The following PCDHA12 variants were observed in gnomAD, a reference collection of about 807,000 sequenced individuals.
PCDHA12 encodes protocadherin alpha-12.
PCDHA12 carries 44 observed loss-of-function variants against 60.0 expected under a neutral mutation model. That is an observed-to-expected ratio of 0.73 (90% CI 0.58 to 0.94). PCDHA12 has a LOEUF of 0.94. Ranked by LOEUF, PCDHA12 falls within the 40% of genes least tolerant of loss-of-function variation. PCDHA12 has a pLI of 0.00. For missense variants in PCDHA12, 1,276 were observed against 1,239.7 expected (o/e 1.03, Z -0.44); for synonymous variants, 569 against 553.0 (o/e 1.03, Z -0.40).
chr5:140,931,683 A>G (rs1482331530), intron 1 of PCDHA12, among the ~76,000 whole-genome samples: 2 of 151,950 alleles, frequency 1.3e-5, no homozygotes, highest in African/African-American at 4.8e-5. Flanking sequence ...AAATAAATGA[A>G]TTGTGATTCA....
chr5:140,921,716 A>C (rs1554200396), intron 1 of PCDHA12, among the ~76,000 whole-genome samples: 1 of 152,202 alleles, frequency 6.6e-6, no homozygotes, highest in Non-Finnish European at 1.5e-5. Context: ...TAAACACACG[A>C]ATTACTCCCA....
intron 1 of PCDHA12, chr5:140,883,833 C>G: frequency 6.2e-7 from 1 of 1,612,590 alleles, no homozygotes; most frequent in Non-Finnish European, 8.5e-7. Flanking sequence ...GCGCTGCAGC[C>G]GTTGGACCAC....
At chr5:140,928,800 A>G (rs782641676) in intron 1 of PCDHA12, 6 of 1,614,098 alleles carry the variant, frequency 3.7e-6, no homozygotes, top group Non-Finnish European at 4.2e-6. Flanking sequence ...GGGTGGTGGT[A>G]GTGGTTCGGG....
intron 1 of PCDHA12, chr5:140,967,804 A>G (rs1168632160): frequency 6.2e-7 from 1 of 1,614,090 alleles, no homozygotes; most frequent in Admixed American, 1.7e-5. Flanking sequence ...TGCCCATGGC[A>G]GGTCACTGCA....
chr5:140,969,019 G>A (rs782394566), intron 1 of PCDHA12: 61 of 1,614,046 alleles, frequency 3.8e-5, no homozygotes, highest in Non-Finnish European at 4.7e-5. Flanking sequence ...TAAGGGAAAG[G>A]TCCCCTGCAG....
chr5:140,882,485 G>C, intron 1 of PCDHA12: 3 of 1,614,106 alleles, frequency 1.9e-6, no homozygotes, highest in Non-Finnish European at 2.5e-6. Flanking sequence ...AAGACACGGG[G>C]ACCTTCTGGA....
Position 140,938,882 on chromosome 5 carries a change from C to T in PCDHA12, c.2368-40067C>T, listed in dbSNP as rs529115064. On this transcript the variant is annotated intron_variant, in intron 1 of 3. Transcript: ENST00000398631. ...AACTTAAAAGTTAAGAAGCAACACA[C>T]ACACACACAGATGCGCACACACACA... is the stretch of plus-strand genomic sequence containing the variant. Among the ~76,000 whole-genome samples the T allele has an allele frequency of 3.3e-5, 5 of 152,218 alleles. No individual in the cohort carries two copies. The South Asian group carries it at 1.0e-3, about 32-fold the overall frequency.
chr5:140,890,439 A>G (rs114755692), intron 1 of PCDHA12, among the ~76,000 whole-genome samples: 1 of 152,210 alleles, frequency 6.6e-6, no homozygotes, highest in Non-Finnish European at 1.5e-5. Context: ...TACAATACCT[A>G]GTGATATCTT....
chr5:140,947,249 C>T (rs1178030042), intron 1 of PCDHA12, among the ~76,000 whole-genome samples: 3 of 151,204 alleles, frequency 2.0e-5, no homozygotes, highest in African/African-American at 7.3e-5. Flanking sequence ...TAAGATAATC[C>T]AATGTACCAT....
At chr5:140,960,923 G>A (rs1478943565) in intron 1 of PCDHA12, among the ~76,000 whole-genome samples, 1 of 152,168 alleles carries the variant, frequency 6.6e-6, no homozygotes, top group African/African-American at 2.4e-5. Context: ...TAGAAAATTG[G>A]TACTAAGTTT....
At chr5:140,988,600 T>C (rs962869761) in intron 3 of PCDHA12, among the ~76,000 whole-genome samples, 15 of 152,214 alleles carry the variant, frequency 9.9e-5, no homozygotes, top group Non-Finnish European at 1.8e-4. Context: ...AATGGTCATG[T>C]AAATAAAAGA....
At chr5:140,882,667 C>A in intron 1 of PCDHA12, 1 of 1,614,160 alleles carries the variant, frequency 6.2e-7, no homozygotes, top group Middle Eastern at 1.6e-4. Flanking sequence ...CGCCCATATT[C>A]CCTGAAAGCA....
At chr5:140,984,339 A>G (rs956761683) in intron 3 of PCDHA12, among the ~76,000 whole-genome samples, 2 of 152,246 alleles carry the variant, frequency 1.3e-5, no homozygotes, top group Non-Finnish European at 2.9e-5. Context: ...AATAGGAACC[A>G]TGTATTGATA....
At position 140,884,053 on chromosome 5, in the gene PCDHA12, C is replaced by A. The variant is rs782043806; in HGVS notation, c.2367+6214C>A. The stretch of plus-strand genomic sequence containing the variant: ...CAGGCCACGTGGTGGCGAAGGTGCG[C>A]GCGGTGGACGCCGATTCGGGCTACA... On this transcript the variant is annotated intron_variant, in intron 1 of 3. Transcript: ENST00000398631. 10 of 1,613,378 alleles carry A rather than the reference C, an allele frequency of 6.2e-6. No homozygotes were observed. The Admixed American group carries it at 1.2e-4, about 19-fold the overall frequency.
chr5:140,976,486 G>C (rs782708902), intron 1 of PCDHA12, among the ~76,000 whole-genome samples: 1 of 152,078 alleles, frequency 6.6e-6, no homozygotes, highest in Non-Finnish European at 1.5e-5. Flanking sequence ...GGGAGGCAGA[G>C]GTTGCAGGGA....
At chr5:140,926,333 C>A (rs1244364456) in intron 1 of PCDHA12, 3 of 152,288 alleles carry the variant, frequency 2.0e-5, no homozygotes, top group African/African-American at 7.2e-5. Flanking sequence ...GGTCAGAGCG[C>A]CGGGACCCGA....
chr5:140,917,936 A>G (rs155801), intron 1 of PCDHA12, among the ~76,000 whole-genome samples: 49,654 of 151,910 alleles, frequency 0.33, 8,386 homozygotes, highest in East Asian at 0.53. Context: ...GAAAAATAAT[A>G]TTGGTAGTTT....
At chr5:140,978,788 T>TA (rs2096823213) in intron 1 of PCDHA12, 161 bp from the exon 2 acceptor site, 1 of 974,810 alleles carries the variant, frequency 1.0e-6, no homozygotes, top group Non-Finnish European at 1.2e-6. Flanking sequence ...TCTAAAGTGC[T>TA]ATATATGTAG....
chr5:140,876,408 G>C lies in PCDHA12; in HGVS notation c.936G>C (p.Glu312Asp), dbSNP rs781814727. ...IRIYGELDFE[E>D]NNAYEIQVNA... ...TTTATGGTGAACTGGATTTTGAAGAGAATAATGCCTATGAAATTCAGGTTA... is the reference window on the plus strand; with the variant it reads ...TTTATGGTGAACTGGATTTTGAAGACAATAATGCCTATGAAATTCAGGTTA... Residue 312 changes from glutamate (E) to aspartate (D), a missense_variant, in exon 1 of 4, where the codon GAG becomes GAC. By Grantham distance (45) the Glu-to-Asp change is conservative (BLOSUM62 2). Transcript: ENST00000398631. The C allele has an allele frequency of 6.2e-7, 1 of 1,613,942 alleles. No individual in the cohort carries two copies. The highest frequency in any genetic ancestry group is 1.1e-5 in the South Asian group (1 of 91,084).
Sources: allele counts gnomAD v4.1 joint callset (sites outside exome capture counted in the v4.1 genomes callset), GRCh38; gene constraint gnomAD v4.1.1; transcripts MANE v1.5; gene names NCBI Gene and HGNC (gene_info 2026-07-23, HGNC 2026-07-21).